The following EIF4G3 variants were observed in gnomAD, a reference collection of about 807,000 sequenced individuals.
EIF4G3 encodes eIF-4-gamma 3.
Under a neutral mutation model 186.4 loss-of-function variants are expected in EIF4G3, and 34 were observed. The observed-to-expected ratio is 0.18, with a 90% CI of 0.14 to 0.24. EIF4G3 has a LOEUF of 0.24. Among genes scored for constraint, EIF4G3 ranks in the 10% least tolerant of loss-of-function variants. EIF4G3 has a pLI of 1.00. For synonymous variants in EIF4G3, 673 were observed against 679.5 expected, an observed-to-expected ratio of 0.99 and a Z score of 0.15; for missense variants, 1,536 against 1,948.5, an observed-to-expected ratio of 0.79 and a Z score of 3.99.
chr1:21,100,731 A>T lies in EIF4G3; in HGVS notation c.-271-11518T>A, dbSNP rs534594784. 1.2e-4 allele frequency among the ~76,000 whole-genome samples: 17 copies of T among 147,096 alleles called. No homozygotes were observed. The South Asian group carries it at 1.3e-3, about 11-fold the overall frequency. On this transcript the variant is annotated intron_variant, in intron 2 of 36. Coordinates refer to ENST00000602326, the MANE Select transcript of EIF4G3 (RefSeq NM_001391906.1). Reference sequence around the variant, plus strand: ...GATCCCATCTCTTACAAAAAAAAAGAAGTAGTATGGCTTATCCTGCGAATC... The same window carrying T: ...GATCCCATCTCTTACAAAAAAAAAGTAGTAGTATGGCTTATCCTGCGAATC...
intron 7 of EIF4G3, among the ~76,000 whole-genome samples, chr1:20,986,744 C>CCA (rs2079590680): frequency 1.5e-5 from 1 of 66,304 alleles, no homozygotes; most frequent in Non-Finnish European, 2.5e-5. Flanking sequence ...GCTCTGTCTC[C>CCA]AAAAAAAAAA....
At chr1:20,921,436 C>T (rs2094489613) in intron 14 of EIF4G3, among the ~76,000 whole-genome samples, 1 of 152,120 alleles carries the variant, frequency 6.6e-6, no homozygotes, top group South Asian at 2.1e-4. Context: ...CAACAGTGTG[C>T]CTCATTATAT....
intron 20 of EIF4G3, among the ~76,000 whole-genome samples, chr1:20,867,689 G>A (rs1225983476): frequency 1.3e-5 from 2 of 152,112 alleles, no homozygotes; most frequent in Non-Finnish European, 2.9e-5. Flanking sequence ...TAAGAGTAAC[G>A]TATATTGTAA....
chr1:20,867,939 G>GAATGA (rs1158684047), intron 20 of EIF4G3, among the ~76,000 whole-genome samples: 1 of 152,042 alleles, frequency 6.6e-6, no homozygotes, highest in Non-Finnish European at 1.5e-5. Flanking sequence ...ATGTATCTCT[G>GAATGA]AATGAATGAA....
intron 2 of EIF4G3, among the ~76,000 whole-genome samples, chr1:21,152,016 G>A (rs1025301777): frequency 1.3e-5 from 2 of 152,138 alleles, no homozygotes; most frequent in Non-Finnish European, 2.9e-5. Flanking sequence ...GACTGATCCA[G>A]GACTCTAATC....
intron 2 of EIF4G3, among the ~76,000 whole-genome samples, chr1:21,143,726 C>T (rs1377764267): frequency 6.6e-6 from 1 of 152,162 alleles, no homozygotes; most frequent in East Asian, 1.9e-4. Context: ...TGGGACCAGG[C>T]TGGCCAACAT....
intron 2 of EIF4G3, among the ~76,000 whole-genome samples, chr1:21,164,742 T>C (rs2097826944): frequency 6.6e-6 from 1 of 152,090 alleles, no homozygotes; most frequent in South Asian, 2.1e-4. Flanking sequence ...CACATGCAGT[T>C]AGTCCCAGTT....
intron 4 of EIF4G3, among the ~76,000 whole-genome samples, chr1:21,010,265 C>A (rs2086600939): frequency 6.6e-6 from 1 of 151,470 alleles, no homozygotes; most frequent in Admixed American, 6.6e-5. Context: ...GGCCAATATA[C>A]AAAAATTAGC....
At chr1:20,842,251 C>T (rs1158812567) in intron 29 of EIF4G3, among the ~76,000 whole-genome samples, 5 of 152,172 alleles carry the variant, frequency 3.3e-5, no homozygotes, top group Non-Finnish European at 7.4e-5. Flanking sequence ...CAGTTGAGAA[C>T]CCGACTTTAC....
chr1:20,905,120 G>A, intron 14 of EIF4G3, 149 bp from the exon 15 acceptor site: 1 of 599,760 alleles, frequency 1.7e-6, no homozygotes, highest in East Asian at 2.9e-5. Context: ...GTGAACAATT[G>A]TGTAGTAGCC....
chr1:20,957,147 T>G (rs573037861), intron 12 of EIF4G3, among the ~76,000 whole-genome samples: 2 of 152,116 alleles, frequency 1.3e-5, no homozygotes, highest in Admixed American at 6.5e-5. Context: ...TCAGAAATGA[T>G]GAGAGGAAAC....
chr1:20,948,544 A>G (rs796292571), intron 13 of EIF4G3, among the ~76,000 whole-genome samples: 6 of 152,198 alleles, frequency 3.9e-5, no homozygotes, highest in African/African-American at 1.4e-4. Flanking sequence ...AAATTTCTAT[A>G]CTAAAAACAC....
chr1:21,052,927 G>A (rs1436734612), intron 3 of EIF4G3, among the ~76,000 whole-genome samples: 2 of 152,156 alleles, frequency 1.3e-5, no homozygotes, highest in Admixed American at 6.5e-5. Flanking sequence ...ATCTCGGCTC[G>A]CTACAACCTC....
intron 3 of EIF4G3, among the ~76,000 whole-genome samples, chr1:21,078,390 TA>T (rs141317831): frequency 6.6e-6 from 1 of 151,410 alleles, no homozygotes; most frequent in Non-Finnish European, 1.5e-5. Flanking sequence ...ATGTGGGAGT[TA>T]AAAAAAAATT....
In EIF4G3 at chr1:21,046,288, TAAACAAAATCTCC is replaced by T. The variant is rs144935901; in HGVS notation, c.-67+4565_-67+4577del. On this transcript the variant is annotated intron_variant, in intron 4 of 36. Transcript: ENST00000602326. ...TCATAGTCTAAAGTCTTTGACTAAT[TAAACAAAATCTCC>T]AGAGAGGACGAAGCTAGAAAGAACT... Among the ~76,000 whole-genome samples, 207 of 152,324 alleles carry T rather than the reference TAAACAAAATCTCC, an allele frequency of 1.4e-3. 3 individuals carry two copies. In the East Asian group the frequency reaches 0.037, roughly 27 times the overall value.
chr1:21,087,794 C>T (rs758816424), intron 3 of EIF4G3, among the ~76,000 whole-genome samples: 9 of 152,164 alleles, frequency 5.9e-5, no homozygotes, highest in East Asian at 1.9e-4. Context: ...CCACCATGTC[C>T]GGCTAATTTT....
intron 14 of EIF4G3, among the ~76,000 whole-genome samples, chr1:20,918,794 C>A (rs2094199772): frequency 1.3e-5 from 2 of 149,540 alleles, no homozygotes; most frequent in Admixed American, 1.3e-4. Context: ...AATCCTCTGC[C>A]TCAGCCTCCT....
At chr1:20,990,297 A>G (rs777506826) in intron 7 of EIF4G3, among the ~76,000 whole-genome samples, 21 of 152,214 alleles carry the variant, frequency 1.4e-4, no homozygotes, top group Non-Finnish European at 2.5e-4. Context: ...GTCAGCACCC[A>G]TCTACATTGA....
chr1:21,137,000 T>C (rs934133416), intron 2 of EIF4G3, among the ~76,000 whole-genome samples: 1 of 150,368 alleles, frequency 6.7e-6, no homozygotes, highest in Non-Finnish European at 1.5e-5. Flanking sequence ...TATGATGTCT[T>C]AATAATATTT....
Sources: gnomAD v4.1 joint callset for allele counts (sites outside exome capture counted in the v4.1 genomes callset) on GRCh38, gnomAD v4.1.1 for gene constraint, MANE v1.5 for transcripts, NCBI Gene and HGNC (gene_info 2026-07-23, HGNC 2026-07-21) for gene names.